PLCB2: variants seen among roughly 807,000 people sequenced by gnomAD.
The protein encoded by PLCB2 is phospholipase C beta 2.
PLCB2 carries 115 observed loss-of-function variants against 141.7 expected under a neutral mutation model. The observed-to-expected ratio is 0.81, with a 90% CI of 0.70 to 0.95. PLCB2 has a LOEUF of 0.95. Ranked by LOEUF, PLCB2 falls within the 40% of genes least tolerant of loss-of-function variation. The pLI is 0.00. For synonymous variants in PLCB2, 603 were observed against 595.6 expected (o/e 1.01, Z -0.18); for missense variants, 1,403 against 1,541.1 (o/e 0.91, Z 1.50).
chr15:40,296,479 G>A (rs889161006), intron 15 of PLCB2, 43 bp downstream of exon 15: 54 of 1,613,572 alleles, frequency 3.3e-5, no homozygotes, highest in East Asian at 4.5e-5. Flanking sequence ...GGGGCTTAAC[G>A]GTGGAGGATG....
intron 3 of PLCB2, 54 bp downstream of exon 3, chr15:40,303,234 C>T: frequency 7.7e-7 from 1 of 1,306,458 alleles, no homozygotes; most frequent in East Asian, 2.3e-5. Context: ...CCTGCCCTTG[C>T]CCCATGGAGC....
At position 40,298,818 on chromosome 15, in the gene PLCB2, C is replaced by T. The variant is rs1185238840; in HGVS notation, c.830G>A (p.Ser277Asn). The change falls in exon 9 of 32, where the codon AGT becomes AAT. Residue 277 changes from serine (S) to asparagine (N), a missense_variant. Around this residue, in one of 4 missense-constraint regions of PLCB2, gnomAD observed 975 missense variants for 1,141.1 expected, o/e 0.85. Transcript: ENST00000260402. ...VQGLIDKYEP[S>N]GINAQRGQLS... Reference sequence around the variant, plus strand: ...CTCACCCCTCTGTGCATTGATGCCACTGGGCTCATACTTGTCGATGAGGCC... The same window carrying T: ...CTCACCCCTCTGTGCATTGATGCCATTGGGCTCATACTTGTCGATGAGGCC... 1.2e-6 allele frequency: 2 copies of T among 1,613,588 alleles called. No individual in the cohort carries two copies. Among genetic ancestry groups the T allele is most frequent in the Non-Finnish European group, 1.7e-6 (2 of 1,179,768 alleles).
Position 40,297,049 on chromosome 15 carries a change from T to C in PLCB2, c.1324-141A>G. The C allele has an allele frequency of 8.6e-6, 7 of 809,296 alleles. No homozygotes were observed. Among genetic ancestry groups the C allele is most frequent in the Non-Finnish European group, 1.2e-5 (6 of 488,300 alleles). The allele number at this position is 809,296 out of a possible 1,614,324, so 50.1% of individuals were successfully genotyped here. A position where few individuals can be genotyped will look rare whatever the true frequency, so the allele number is the denominator to read the frequency against. On this transcript the variant is annotated intron_variant, in intron 13 of 31. Transcript: ENST00000260402. This position sits in a 1 kb window ranked among gnomAD's most constrained non-coding sequence, Gnocchi z 4.2. ...TACTGCTTATCATCCCCATTCTCAC[T>C]GAGATAAATCCAGCTTATCCCTTGG...
chr15:40,297,598 G>A lies in PLCB2; in HGVS notation c.1246C>T (p.Gln416Ter). The A allele has an allele frequency of 6.2e-7, 1 of 1,613,930 alleles. No homozygotes were observed. The highest frequency in any genetic ancestry group is 1.3e-5 in the African/African-American group (1 of 75,064). Reference sequence around the variant, plus strand: ...CAATACTCAGCCATCTTAGCCTGCTGGCGGGGTCTGCGGGGAGCAAAAGCG... The same window carrying A: ...CAATACTCAGCCATCTTAGCCTGCTAGCGGGGTCTGCGGGGAGCAAAAGCG... Reference protein sequence around the residue: ...SFENHVDSPRQQAKMAEYCRT... With the variant: ...SFENHVDSPR Residue 416 changes from glutamine (Q) to a stop codon, truncating the protein, a stop_gained, in exon 13 of 32, where the codon CAG (glutamine) becomes TAG (stop). Transcript: ENST00000260402. LOFTEE classifies it high-confidence loss of function. The surrounding 1 kb of genome is among the most constrained non-coding windows in gnomAD (Gnocchi z 4.2).
intron 24 of PLCB2, 38 bp from the exon 25 acceptor site, chr15:40,291,688 G>C: frequency 1.2e-6 from 2 of 1,609,876 alleles, no homozygotes; most frequent in Non-Finnish European, 1.7e-6. Flanking sequence ...GGTGCTCTGG[G>C]GGGCCCCTTG....
rs952377270 is a variant in PLCB2 at position 40,307,771 on chromosome 15, T to C, written c.-99A>G. On this transcript the variant is annotated 5_prime_UTR_variant, in exon 1 of 32. Transcript: ENST00000260402. ...GAGGGGGAGCCAAGCTGGGCTCAAA[T>C]GGCACCCATCCCCGAGCTGCTCCAG... The C allele has an allele frequency of 2.1e-6, 2 of 975,488 alleles. No homozygotes were observed. 60.4% of individuals were successfully genotyped at this position (975,488 alleles called of 1,614,324 possible). A position where few individuals can be genotyped will look rare whatever the true frequency, so the allele number is the denominator to read the frequency against.
In PLCB2 at chr15:40,291,302, A is replaced by G; in HGVS notation, c.2833T>C (p.Cys945Arg). 3 of 1,553,464 alleles carry G rather than the reference A, an allele frequency of 1.9e-6. No homozygotes were observed. The highest frequency in any genetic ancestry group is 2.3e-5 in the South Asian group (2 of 85,574). The change falls in exon 26 of 32, where the codon TGC (cysteine) becomes CGC (arginine). Residue 945 changes from cysteine (C) to arginine (R), a missense_variant. Coordinates refer to ENST00000260402, the MANE Select transcript of PLCB2 (RefSeq NM_004573.3). The part of the protein sequence containing the change: ...GPPGVGGVGA[C>R]KLGPGKGSRK... ...GAGCCCTTGCCGGGACCGAGCTTGC[A>G]GGCCCCGACGCCCCCCACGCCCGGT... is the stretch of plus-strand genomic sequence containing the variant.
downstream of PLCB2, chr15:40,285,811 GA>G (rs2039602007): frequency 1.0e-6 from 1 of 985,404 alleles, no homozygotes; most frequent in Admixed American, 6.1e-5. Context: ...CCCCCAGGTG[GA>G]GGAGAGAAGC....
chr15:40,295,502 T>C (rs901237706), intron 16 of PLCB2, among the ~76,000 whole-genome samples: 7 of 147,300 alleles, frequency 4.8e-5, no homozygotes, highest in African/African-American at 1.8e-4. Context: ...TGCACAGGGG[T>C]GGGGTGTGTG....
At position 40,291,650 on chromosome 15, in the gene PLCB2, G is replaced by A. The variant is rs1333989592; in HGVS notation, c.2603C>T (p.Ala868Val). The A allele has an allele frequency of 1.2e-6, 2 of 1,613,042 alleles. No homozygotes were observed. Among genetic ancestry groups the A allele is most frequent in the Middle Eastern group, 3.3e-4 (2 of 6,060 alleles). Residue 868 changes from alanine (A) to valine (V), a missense_variant and splice_region_variant, in exon 25 of 32, where the codon GCA (alanine) becomes GTA (valine). Transcript: ENST00000260402. ...ALAPTSNGSP[A>V]ARAGAREEAM... ...CTCTTCCCTGGCCCCGGCCCTGGCT[G>A]CTGCAAGAGCCACGGGCTGGGCTGT...
chr15:40,296,317 C>T lies in PLCB2; in HGVS notation c.1675G>A (p.Val559Ile), dbSNP rs370423429. The T allele has an allele frequency of 5.1e-5, 82 of 1,613,366 alleles. No individual in the cohort carries two copies. Among genetic ancestry groups the T allele is most frequent in the Middle Eastern group, 3.3e-4 (2 of 6,080 alleles). Residue 559 changes from valine to isoleucine, a missense_variant, in exon 16 of 32, where the codon GTC becomes ATC. Physicochemically the swap from Val to Ile is conservative, Grantham distance 29. Transcript: ENST00000260402. ...LVNYIQPTKF[V>I]SFEFSAQKNR... ...TTACGGGCAGAGAACTCAAAGGAGA[C>T]GAACTTGGTGGGCTGGATGTAATTG...
Position 40,297,012 on chromosome 15 carries a change from C to T in PLCB2, c.1324-104G>A, listed in dbSNP as rs1595662160. 1 of 1,102,696 alleles carries T rather than the reference C, an allele frequency of 9.1e-7. No individual in the cohort carries two copies. Among genetic ancestry groups the T allele is most frequent in the East Asian group, 2.4e-5 (1 of 42,192 alleles). The allele number at this position is 1,102,696 out of a possible 1,614,324, so 68.3% of individuals were successfully genotyped here. On this transcript the variant is annotated intron_variant, in intron 13 of 31. Transcript: ENST00000260402. This position sits in a 1 kb window ranked among gnomAD's most constrained non-coding sequence, Gnocchi z 4.2. ...CCTCGGCCTCCCCCACTCCTCTTGACCTGCCTCTCACTACTGCTTATCATC... is the reference window on the plus strand; with the variant it reads ...CCTCGGCCTCCCCCACTCCTCTTGATCTGCCTCTCACTACTGCTTATCATC...
intron 30 of PLCB2, 141 bp from the exon 31 acceptor site, chr15:40,289,499 A>G (rs1281859318): frequency 7.5e-6 from 5 of 667,344 alleles, no homozygotes; most frequent in Non-Finnish European, 1.1e-5. Context: ...TTTGTAAGAT[A>G]AGGATAGCAG....
rs776188223 is a variant in PLCB2 at position 40,299,000 on chromosome 15, CT to C, written c.684-37del. The C allele has an allele frequency of 1.3e-5, 21 of 1,594,490 alleles. No homozygotes were observed. In the South Asian group the frequency reaches 1.9e-4, roughly 15 times the overall value. ...GAGAGAAGAGCACAGGTCCATATCC[CT>C]TGGGCCTGGAGGCTTAGACAACCCC... On this transcript the variant is annotated intron_variant, in intron 8 of 31. Transcript: ENST00000260402.
At chr15:40,303,238 ATGGAGCTAGT>A in intron 3 of PLCB2, 40 bp downstream of exon 3, 1 of 1,352,454 alleles carries the variant, frequency 7.4e-7, no homozygotes, top group Non-Finnish European at 1.1e-6. Flanking sequence ...CCCTTGCCCC[ATGGAGCTAGT>A]AGCTGTGCTT....
chr15:40,286,026 C>T (rs185215017), downstream of PLCB2: 1,755 of 985,586 alleles, frequency 1.8e-3, 4 homozygotes, highest in Non-Finnish European at 2.0e-3. Context: ...GGTGCCAGGT[C>T]TCGAGCCCTG....
intron 11 of PLCB2, 95 bp from the exon 12 acceptor site, chr15:40,298,054 C>T (rs2040321301): frequency 8.6e-7 from 1 of 1,162,908 alleles, no homozygotes; most frequent in South Asian, 1.4e-5. Flanking sequence ...TCAATACACA[C>T]ATATAACTGC....
rs758196134 is a variant in PLCB2 at position 40,290,563 on chromosome 15, C to A, written c.3209+14G>T. 2.5e-6 allele frequency: 4 copies of A among 1,596,416 alleles called. No individual in the cohort carries two copies. In the South Asian group the frequency reaches 4.4e-5, roughly 18 times the overall value. On this transcript the variant is annotated intron_variant, in intron 29 of 31. Coordinates refer to ENST00000260402, the MANE Select transcript of PLCB2 (RefSeq NM_004573.3). Reference sequence around the variant, plus strand: ...GGGGTCTGCCCAGCCCTGGGCCTCCCCTCCAGGGCTCACCTCTCCTGGGCC... The same window carrying A: ...GGGGTCTGCCCAGCCCTGGGCCTCCACTCCAGGGCTCACCTCTCCTGGGCC...
downstream of PLCB2, among the ~76,000 whole-genome samples, chr15:40,286,382 C>T (rs140441612): frequency 3.7e-3 from 564 of 152,314 alleles, 3 homozygotes; most frequent in Middle Eastern, 0.034. Context: ...CTTCTTTCCT[C>T]AAGTGTCACC....
Sources: gnomAD v4.1 joint callset for allele counts (sites outside exome capture counted in the v4.1 genomes callset) on GRCh38, gnomAD v4.1.1 for gene constraint, gnomAD v4.1.1 regional missense constraint, Gnocchi (gnomAD v3.1) non-coding constraint, MANE v1.5 for transcripts, NCBI Gene and HGNC (gene_info 2026-07-23, HGNC 2026-07-21) for gene names.